DDX10: variants seen among roughly 807,000 people sequenced by gnomAD.
DDX10 encodes DEAD-box helicase 10.
Under a neutral mutation model 104.3 loss-of-function variants are expected in DDX10, and 74 were observed. The ratio of observed to expected loss-of-function variants is 0.71; its 90% CI spans 0.59 to 0.86. DDX10 has a LOEUF of 0.86. Ranked by LOEUF, DDX10 falls within the 40% of genes least tolerant of loss-of-function variation. DDX10 has a pLI of 0.00. For missense variants in DDX10, 952 were observed against 1,040.0 expected (o/e 0.92, Z 1.16); for synonymous variants, 351 against 353.4 (o/e 0.99, Z 0.08).
intron 13 of DDX10, among the ~76,000 whole-genome samples, chr11:108,780,552 G>A (rs2134538668): frequency 6.6e-6 from 1 of 152,224 alleles, no homozygotes; most frequent in East Asian, 1.9e-4. Context: ...TTATACTGGA[G>A]ATCCTTATCC....
intron 6 of DDX10, among the ~76,000 whole-genome samples, chr11:108,682,417 A>G (rs2094236704): frequency 6.6e-6 from 1 of 152,144 alleles, no homozygotes; most frequent in Non-Finnish European, 1.5e-5. Flanking sequence ...CTTTAAGTCT[A>G]GTTTGATATT....
intron 12 of DDX10, among the ~76,000 whole-genome samples, chr11:108,720,789 C>T (rs747040081): frequency 1.1e-4 from 17 of 151,602 alleles, no homozygotes; most frequent in South Asian, 4.2e-4. Flanking sequence ...GATAGGGTTT[C>T]GCCATGTTGC....
intron 9 of DDX10, among the ~76,000 whole-genome samples, chr11:108,698,610 G>A (rs1056892850): frequency 1.3e-5 from 2 of 152,164 alleles, no homozygotes; most frequent in Non-Finnish European, 2.9e-5. Flanking sequence ...ACCCTTGGGA[G>A]TATTTCTTAG....
chr11:108,717,434 C>T (rs552885467), intron 11 of DDX10, among the ~76,000 whole-genome samples: 2 of 152,222 alleles, frequency 1.3e-5, no homozygotes, highest in South Asian at 2.1e-4. Context: ...TTCAGCCTCC[C>T]GAGTAGCTGG....
intron 13 of DDX10, among the ~76,000 whole-genome samples, chr11:108,804,983 A>G (rs537517266): frequency 1.6e-4 from 25 of 152,338 alleles, no homozygotes; most frequent in Admixed American, 2.6e-4. Flanking sequence ...GAAAATAGTT[A>G]TAAGTGCTGC....
chr11:108,756,278 G>A (rs1466839483), intron 13 of DDX10, among the ~76,000 whole-genome samples: 2 of 152,018 alleles, frequency 1.3e-5, no homozygotes, highest in Non-Finnish European at 2.9e-5. Flanking sequence ...ATGGTGTCCT[G>A]TATGATTCTT....
intron 13 of DDX10, among the ~76,000 whole-genome samples, chr11:108,787,537 A>T (rs2615724): frequency 0.99 from 150,251 of 152,100 alleles, 74,238 homozygotes; most frequent in Middle Eastern, 1. Flanking sequence ...TGTTTTTTTT[A>T]ATTTTTAATT....
chr11:108,786,601 A>G (rs771422406), intron 13 of DDX10, among the ~76,000 whole-genome samples: 3 of 152,200 alleles, frequency 2.0e-5, no homozygotes, highest in Non-Finnish European at 4.4e-5. Flanking sequence ...CTTTATCATT[A>G]TGTAATGCCC....
chr11:108,738,589 G>A (rs2094321153), intron 13 of DDX10, among the ~76,000 whole-genome samples: 1 of 152,044 alleles, frequency 6.6e-6, no homozygotes, highest in African/African-American at 2.4e-5. Flanking sequence ...GACTTACAGT[G>A]AGTTTGTAAT....
intron 16 of DDX10, among the ~76,000 whole-genome samples, chr11:108,886,417 G>A (rs1396036505): frequency 6.6e-6 from 1 of 152,120 alleles, no homozygotes; most frequent in Non-Finnish European, 1.5e-5. Flanking sequence ...AAAATTATGT[G>A]CAAATGCATT....
chr11:108,847,598 G>A (rs1034153827), intron 15 of DDX10, among the ~76,000 whole-genome samples: 5 of 152,122 alleles, frequency 3.3e-5, no homozygotes, highest in Admixed American at 2.0e-4. Flanking sequence ...GAAGACTTTA[G>A]AAAATCTATC....
intron 13 of DDX10, among the ~76,000 whole-genome samples, chr11:108,742,597 G>T (rs955382745): frequency 2.6e-5 from 4 of 152,018 alleles, no homozygotes; most frequent in Admixed American, 2.0e-4. Context: ...AGAAACAAAA[G>T]ATCAATAAAT....
chr11:108,841,439 A>C lies in DDX10; in HGVS notation c.2210A>C (p.Lys737Thr), dbSNP rs759150061. ...CTTCAGGAAGAGGACAAATTTGACA[A>C]AGAAGAATATAGGAAAAAAATTAAG... is the stretch of plus-strand genomic sequence containing the variant. The part of the protein sequence containing the change: ...ERLQEEDKFD[K>T]EEYRKKIKAK... Residue 737 changes from lysine (K) to threonine (T), a missense_variant, in exon 15 of 18, where the codon AAA becomes ACA. By Grantham distance (78) the Lys-to-Thr change is moderately conservative (BLOSUM62 -1). Coordinates refer to ENST00000322536, the MANE Select transcript of DDX10 (RefSeq NM_004398.4). 5 of 1,613,862 alleles carry C rather than the reference A, an allele frequency of 3.1e-6. No individual in the cohort carries two copies. Among genetic ancestry groups the C allele is most frequent in the Non-Finnish European group, 4.2e-6 (5 of 1,179,888 alleles).
At position 108,917,919 on chromosome 11, in the gene DDX10, A is replaced by ATGG; in HGVS notation, c.2353_2354insGTG (p.Asp784_Asp785insGly). On this transcript the variant is annotated inframe_insertion, in exon 17 of 18. Transcript: ENST00000322536. ...TTTCTGGATTGGAGTGATGATGATG[A>ATGG]TGATGATGATGATGGATTTGATCCA... 6.2e-7 allele frequency: 1 copy of ATGG among 1,613,000 alleles called. No homozygotes were observed. The highest frequency in any genetic ancestry group is 8.5e-7 in the Non-Finnish European group (1 of 1,179,972).
intron 2 of DDX10, among the ~76,000 whole-genome samples, chr11:108,674,899 C>G (rs965041811): frequency 2.2e-4 from 33 of 152,190 alleles, no homozygotes; most frequent in African/African-American, 6.3e-4. Context: ...CTTCCCCCAG[C>G]TTCTGGTAAC....
In DDX10 at chr11:108,691,933, C is replaced by T; in HGVS notation, c.1033C>T (p.Leu345Phe). The T allele has an allele frequency of 6.2e-7, 1 of 1,614,124 alleles. No homozygotes were observed. The highest frequency in any genetic ancestry group is 8.5e-7 in the Non-Finnish European group (1 of 1,180,004). Residue 345 changes from leucine to phenylalanine, a missense_variant, in exon 8 of 18, where the codon CTC (leucine) becomes TTC (phenylalanine). Leu to Phe is a conservative substitution (Grantham distance 22). This residue lies in a region of DDX10 where 412 missense variants were observed against 479.2 expected (regional missense o/e 0.86). Coordinates refer to ENST00000322536, the MANE Select transcript of DDX10 (RefSeq NM_004398.4). ...ACGTCCTGGTGTTTCTATCCTTGCA[C>T]TCCATGGTCGACAGCAGCAAATGAG... ...RLRPGVSILALHGRQQQMRRM... is the reference protein window; with the variant it reads ...RLRPGVSILAFHGRQQQMRRM...
At chr11:108,804,930 A>G (rs1331462078) in intron 13 of DDX10, among the ~76,000 whole-genome samples, 1 of 152,194 alleles carries the variant, frequency 6.6e-6, no homozygotes, top group Non-Finnish European at 1.5e-5. Flanking sequence ...TTGCTTAATC[A>G]TGGGAGTGAC....
At chr11:108,821,284 G>C (rs531735602) in intron 13 of DDX10, among the ~76,000 whole-genome samples, 186 of 152,292 alleles carry the variant, frequency 1.2e-3, no homozygotes, top group Non-Finnish European at 2.3e-3. Flanking sequence ...CATATTGATA[G>C]GTCTTAAATT....
At chr11:108,703,206 A>C (rs949620770) in intron 9 of DDX10, among the ~76,000 whole-genome samples, 1 of 152,222 alleles carries the variant, frequency 6.6e-6, no homozygotes, top group East Asian at 1.9e-4. Context: ...ACTATTCCAC[A>C]ATGTGTGTAT....
Sources: gnomAD v4.1 joint callset for allele counts (sites outside exome capture counted in the v4.1 genomes callset) on GRCh38, gnomAD v4.1.1 for gene constraint, gnomAD v4.1.1 regional missense constraint, MANE v1.5 for transcripts, NCBI Gene and HGNC (gene_info 2026-07-23, HGNC 2026-07-21) for gene names.